Variants in DIAPH3 observed in about 807,000 individuals in gnomAD.
DIAPH3 encodes protein diaphanous homolog 3.
Under a neutral mutation model 144.3 loss-of-function variants are expected in DIAPH3, and 117 were observed. The ratio of observed to expected loss-of-function variants is 0.81; its 90% CI spans 0.70 to 0.95. The LOEUF is 0.95. Among genes scored for constraint, DIAPH3 ranks in the 40% least tolerant of loss-of-function variants. DIAPH3 has a pLI of 0.00. For synonymous variants in DIAPH3, 519 were observed against 488.9 expected (o/e 1.06, Z -0.81); for missense variants, 1,421 against 1,412.7 (o/e 1.01, Z -0.09).
intron 1 of DIAPH3, among the ~76,000 whole-genome samples, chr13:60,136,666 C>G (rs571945179): frequency 1.3e-5 from 2 of 151,950 alleles, no homozygotes; most frequent in African/African-American, 4.8e-5. Context: ...CCGGGCGCGG[C>G]GGCTCACGCC....
chr13:59,850,976 A>C (rs2042933714), intron 22 of DIAPH3, among the ~76,000 whole-genome samples: 1 of 147,730 alleles, frequency 6.8e-6, no homozygotes, highest in Non-Finnish European at 1.5e-5. Flanking sequence ...ATTCCTTCTG[A>C]AACTATTCCA....
At chr13:59,950,359 C>T (rs918383862) in intron 17 of DIAPH3, among the ~76,000 whole-genome samples, 8 of 152,114 alleles carry the variant, frequency 5.3e-5, no homozygotes, top group African/African-American at 1.7e-4. Context: ...TGTTTCAGTG[C>T]CTTTGTTCAC....
At chr13:60,158,748 T>A (rs550183470) in intron 1 of DIAPH3, among the ~76,000 whole-genome samples, 1 of 152,054 alleles carries the variant, frequency 6.6e-6, no homozygotes, top group African/African-American at 2.4e-5. Context: ...GGATGGTTCC[T>A]CATCCTCCCA....
At chr13:60,103,042 C>T (rs556475220) in intron 3 of DIAPH3, among the ~76,000 whole-genome samples, 14 of 152,218 alleles carry the variant, frequency 9.2e-5, no homozygotes, top group African/African-American at 3.4e-4. Flanking sequence ...GAAGTTCCCA[C>T]ACACCAGCAA....
At chr13:59,690,884 A>T (rs1161133891) in intron 27 of DIAPH3, among the ~76,000 whole-genome samples, 1 of 152,198 alleles carries the variant, frequency 6.6e-6, no homozygotes, top group African/African-American at 2.4e-5. Flanking sequence ...AGAGAAACAA[A>T]TTATTAAAAC....
At chr13:59,820,207 A>G (rs904378427) in intron 24 of DIAPH3, among the ~76,000 whole-genome samples, 5 of 151,922 alleles carry the variant, frequency 3.3e-5, no homozygotes, top group African/African-American at 9.7e-5. Context: ...CATAGTTCCT[A>G]TAAGAATATG....
At chr13:60,091,310 C>T (rs536311390) in intron 4 of DIAPH3, among the ~76,000 whole-genome samples, 3 of 152,110 alleles carry the variant, frequency 2.0e-5, no homozygotes, top group Non-Finnish European at 4.4e-5. Flanking sequence ...GATAGACTAT[C>T]GTCACACACC....
chr13:60,130,903 T>G (rs907611690), intron 2 of DIAPH3, among the ~76,000 whole-genome samples: 6 of 152,116 alleles, frequency 3.9e-5, no homozygotes, highest in African/African-American at 1.4e-4. Flanking sequence ...AAGTCCTCAA[T>G]GAGGAACTCA....
chr13:60,097,136 C>T (rs997106976), intron 3 of DIAPH3, among the ~76,000 whole-genome samples: 4 of 152,156 alleles, frequency 2.6e-5, no homozygotes, highest in Admixed American at 1.3e-4. Flanking sequence ...TGGCACTCGC[C>T]TTCCTGACAA....
intron 22 of DIAPH3, among the ~76,000 whole-genome samples, chr13:59,847,693 G>C (rs2042725834): frequency 6.6e-6 from 1 of 152,142 alleles, no homozygotes; most frequent in Non-Finnish European, 1.5e-5. Flanking sequence ...CAATTTTACT[G>C]CTTTTTACTT....
Position 60,014,765 on chromosome 13 carries a change from C to A in DIAPH3, c.771+1148G>T, listed in dbSNP as rs566906173. 2.6e-5 allele frequency among the ~76,000 whole-genome samples: 4 copies of A among 152,252 alleles called. No homozygotes were observed. The South Asian group carries it at 6.2e-4, about 24-fold the overall frequency. On this transcript the variant is annotated intron_variant, in intron 7 of 27. Coordinates refer to ENST00000400324, the MANE Select transcript of DIAPH3 (RefSeq NM_001042517.2). ...ACCACCACAGGTAAAATTTCCCCCCCTGCTGTCTAACAGCAACTTAAACAC... is the reference window on the plus strand; with the variant it reads ...ACCACCACAGGTAAAATTTCCCCCCATGCTGTCTAACAGCAACTTAAACAC...
intron 5 of DIAPH3, among the ~76,000 whole-genome samples, chr13:60,026,133 C>G (rs899888043): frequency 5.9e-5 from 9 of 152,132 alleles, no homozygotes; most frequent in African/African-American, 2.2e-4. Flanking sequence ...TAATTCAAGG[C>G]TTGAGTTCTA....
intron 27 of DIAPH3, among the ~76,000 whole-genome samples, chr13:59,716,314 T>C (rs980534967): frequency 6.6e-6 from 1 of 152,164 alleles, no homozygotes; most frequent in African/African-American, 2.4e-5. Flanking sequence ...TAGCTGGGAA[T>C]ACAGGCGCCC....
intron 9 of DIAPH3, among the ~76,000 whole-genome samples, chr13:60,003,958 A>G (rs2052694015): frequency 6.6e-6 from 1 of 152,138 alleles, no homozygotes; most frequent in Admixed American, 6.6e-5. Context: ...TATAATATCA[A>G]ATGGGGGAAG....
intron 1 of DIAPH3, among the ~76,000 whole-genome samples, chr13:60,162,907 A>G (rs963278019): frequency 1.3e-5 from 2 of 151,334 alleles, no homozygotes; most frequent in African/African-American, 4.9e-5. Context: ...ATTCTGTTGG[A>G]CTCATCCCAA....
intron 22 of DIAPH3, among the ~76,000 whole-genome samples, chr13:59,852,433 C>T (rs553699288): frequency 1.5e-4 from 23 of 152,252 alleles, no homozygotes; most frequent in African/African-American, 5.5e-4. Context: ...GAAAAATAAA[C>T]TCAGAGTTGA....
intron 13 of DIAPH3, among the ~76,000 whole-genome samples, chr13:59,982,985 T>C (rs1405822753): frequency 6.6e-6 from 1 of 151,466 alleles, no homozygotes; most frequent in Non-Finnish European, 1.5e-5. Context: ...AATTTCCACT[T>C]AAAAACTCAA....
intron 2 of DIAPH3, among the ~76,000 whole-genome samples, chr13:60,123,115 T>C (rs1299865231): frequency 6.6e-6 from 1 of 152,054 alleles, no homozygotes; most frequent in Admixed American, 6.6e-5. Flanking sequence ...AGAAGTAAAA[T>C]TAATAAGGAG....
intron 2 of DIAPH3, among the ~76,000 whole-genome samples, chr13:60,126,695 C>T (rs543432844): frequency 1.3e-5 from 2 of 152,102 alleles, no homozygotes; most frequent in Non-Finnish European, 2.9e-5. Flanking sequence ...TTCATGCAAA[C>T]TACAGGTCTC....
Sources: allele counts gnomAD v4.1 joint callset (sites outside exome capture counted in the v4.1 genomes callset), GRCh38; gene constraint gnomAD v4.1.1; transcripts MANE v1.5; gene names NCBI Gene and HGNC (gene_info 2026-07-23, HGNC 2026-07-21).